The following EPHA5 variants were observed in gnomAD, a reference collection of about 807,000 sequenced individuals.
EPHA5 encodes ephrin type-A receptor 5.
A neutral mutation model predicts 105.0 loss-of-function variants in EPHA5; 60 were observed. The observed-to-expected ratio is 0.57, with a 90% CI of 0.46 to 0.71. EPHA5 has a LOEUF of 0.71. Among genes scored for constraint, EPHA5 ranks in the 30% least tolerant of loss-of-function variants. EPHA5 has a pLI of 0.00. For synonymous variants in EPHA5, 513 were observed against 449.1 expected (o/e 1.14, Z -1.80); for missense variants, 1,218 against 1,274.7 (o/e 0.96, Z 0.68).
intron 2 of EPHA5, among the ~76,000 whole-genome samples, chr4:65,627,892 C>CA (rs1452762633): frequency 6.6e-6 from 1 of 151,776 alleles, no homozygotes; most frequent in Non-Finnish European, 1.5e-5. Context: ...TCAAATCAGT[C>CA]AAAAAAATAA....
At chr4:65,539,918 C>A in intron 3 of EPHA5, among the ~76,000 whole-genome samples, 1 of 151,520 alleles carries the variant, frequency 6.6e-6, no homozygotes, top group South Asian at 2.1e-4. Context: ...ATATTATGCA[C>A]ATATGTTATC....
rs909609322 is a variant in EPHA5 at position 65,364,983 on chromosome 4, T to G, written c.2173+34A>C. ...ATAATCTAGACAGATATTGAGGATA[T>G]GCACACACATGTATAATTTGCCATC... On this transcript the variant is annotated intron_variant, in intron 11 of 16. Transcript: ENST00000613740. The G allele has an allele frequency of 2.6e-6, 4 of 1,568,036 alleles. No homozygotes were observed. In the African/African-American group the frequency reaches 4.1e-5, roughly 16 times the overall value.
In EPHA5 at chr4:65,367,514, T is replaced by C. The variant is rs573142297; in HGVS notation, c.1794-90A>G. The C allele has an allele frequency of 1.1e-3, 1,381 of 1,204,246 alleles. 22 individuals are homozygous for C. In the South Asian group the frequency reaches 0.012, roughly 11 times the overall value. 74.6% of individuals were successfully genotyped at this position (1,204,246 alleles called of 1,614,324 possible). A position where few individuals can be genotyped will look rare whatever the true frequency, so the allele number is the denominator to read the frequency against. On this transcript the variant is annotated intron_variant, in intron 8 of 16. Coordinates refer to ENST00000613740, the MANE Select transcript of EPHA5 (RefSeq NM_001281766.3). ...AAGCATGAAGCACAACTGAAATTAT[T>C]GCAACCCTAAACTGATTTTCATACT...
intron 4 of EPHA5, among the ~76,000 whole-genome samples, chr4:65,491,370 GT>G (rs1731383118): frequency 6.6e-6 from 1 of 151,960 alleles, no homozygotes; most frequent in African/African-American, 2.4e-5. Context: ...TCTGCAAGTT[GT>G]GAATTTTATT....
chr4:65,510,154 C>T (rs1180988516), intron 3 of EPHA5, among the ~76,000 whole-genome samples: 1 of 151,590 alleles, frequency 6.6e-6, no homozygotes, highest in African/African-American at 2.4e-5. Context: ...CCTGCCTCAG[C>T]CTCCCGAGTA....
At chr4:65,384,404 G>A (rs183055646) in intron 8 of EPHA5, among the ~76,000 whole-genome samples, 1 of 151,900 alleles carries the variant, frequency 6.6e-6, no homozygotes, top group Non-Finnish European at 1.5e-5. Flanking sequence ...GTAGCAATCA[G>A]ACCAAATGGT....
chr4:65,495,402 G>T lies in EPHA5; in HGVS notation c.1052C>A (p.Thr351Lys), dbSNP rs1158129685. 1 of 1,613,256 alleles carries T rather than the reference G, an allele frequency of 6.2e-7. No homozygotes were observed. Among genetic ancestry groups the T allele is most frequent in the Non-Finnish European group, 8.5e-7 (1 of 1,179,636 alleles). The stretch of plus-strand genomic sequence containing the variant: ...GGTTTCCTTACTTGTGCATGCCATT[G>T]TGGGTGGATCAGACTCTCTCCTGAA... ...DYFRRESDPP[T>K]MACTRPPSAP... is the part of the protein sequence containing the mutation. The change falls in exon 4 of 17, where the codon ACA becomes AAA. Residue 351 changes from threonine (T) to lysine (K), a missense_variant. By Grantham distance (78) the Thr-to-Lys change is moderately conservative. Transcript: ENST00000613740.
intron 3 of EPHA5, among the ~76,000 whole-genome samples, chr4:65,542,137 A>T (rs1404592647): frequency 6.6e-6 from 1 of 151,946 alleles, no homozygotes; most frequent in Non-Finnish European, 1.5e-5. Context: ...GAAAGTTAGA[A>T]ATATCTCAAA....
At chr4:65,393,005 T>C (rs1311027655) in intron 8 of EPHA5, among the ~76,000 whole-genome samples, 1 of 152,164 alleles carries the variant, frequency 6.6e-6, no homozygotes, top group Non-Finnish European at 1.5e-5. Context: ...ACTGATACAT[T>C]GTTTTGATAT....
At chr4:65,470,812 A>G (rs952390120) in intron 5 of EPHA5, among the ~76,000 whole-genome samples, 2 of 152,150 alleles carry the variant, frequency 1.3e-5, no homozygotes, top group African/African-American at 4.8e-5. Context: ...AGCAAACTAA[A>G]TATGGCCTGA....
At position 65,484,577 on chromosome 4, in the gene EPHA5, C is replaced by A. The variant is rs1730695607; in HGVS notation, c.1402+5800G>T. On this transcript the variant is annotated intron_variant, in intron 5 of 16. Coordinates refer to ENST00000613740, the MANE Select transcript of EPHA5 (RefSeq NM_001281766.3). ...AAAAGGTTCCAAGAGTCTGAGCCTA[C>A]ATTCAAAACAATTAAAATGTGTCTG... 2.6e-5 allele frequency among the ~76,000 whole-genome samples: 4 copies of A among 152,098 alleles called. No homozygotes were observed. The South Asian group carries it at 8.3e-4, about 32-fold the overall frequency.
intron 3 of EPHA5, chr4:65,573,510 G>A: frequency 1.3e-6 from 2 of 1,592,172 alleles, no homozygotes; most frequent in Non-Finnish European, 1.7e-6. Flanking sequence ...GAAACCCGAA[G>A]CCAAGAAGAC....
chr4:65,417,668 G>A (rs1398071035), intron 6 of EPHA5, among the ~76,000 whole-genome samples: 1 of 151,652 alleles, frequency 6.6e-6, no homozygotes, highest in African/African-American at 2.4e-5. Flanking sequence ...GGAATATACA[G>A]CATTAAATTT....
chr4:65,664,625 A>T (rs2149557283), intron 1 of EPHA5, among the ~76,000 whole-genome samples: 1 of 152,008 alleles, frequency 6.6e-6, no homozygotes, highest in African/African-American at 2.4e-5. Flanking sequence ...AGAAACCCTT[A>T]TCTATCCTAT....
In EPHA5 at chr4:65,649,134, G is replaced by A. The variant is rs141994189; in HGVS notation, c.182-5707C>T. ...TATGCATAGTCTTTTTTAGAGAAAA[G>A]AAGAATGAATATGGGGAAATAACTT... On this transcript the variant is annotated intron_variant, in intron 1 of 16. Coordinates refer to ENST00000613740, the MANE Select transcript of EPHA5 (RefSeq NM_001281766.3). 2.9e-3 allele frequency among the ~76,000 whole-genome samples: 446 copies of A among 152,286 alleles called. 3 individuals are homozygous for A. Among genetic ancestry groups the A allele is most frequent in the Non-Finnish European group, 4.6e-3 (313 of 68,010 alleles).
intron 3 of EPHA5, among the ~76,000 whole-genome samples, chr4:65,542,741 T>C (rs1262158456): frequency 2.1e-5 from 3 of 143,350 alleles, no homozygotes; most frequent in African/African-American, 7.8e-5. Context: ...ATCATCTTGA[T>C]ACCAAAACCT....
intron 3 of EPHA5, among the ~76,000 whole-genome samples, chr4:65,550,193 G>T (rs990031830): frequency 4.0e-5 from 6 of 151,544 alleles, no homozygotes; most frequent in Non-Finnish European, 8.8e-5. Flanking sequence ...TAAGGAAAAA[G>T]AAACAATAAA....
chr4:65,347,591 T>C (rs538094702), intron 14 of EPHA5, among the ~76,000 whole-genome samples: 1 of 152,310 alleles, frequency 6.6e-6, no homozygotes, highest in East Asian at 1.9e-4. Flanking sequence ...AATACAACTC[T>C]TCTTACATTT....
rs189852759 is a variant in EPHA5 at position 65,471,766 on chromosome 4, T to G, written c.1402+18611A>C. 3.5e-3 allele frequency among the ~76,000 whole-genome samples: 532 copies of G among 152,292 alleles called. 4 individuals are homozygous for G. The highest frequency in any genetic ancestry group is 0.01 in the South Asian group (49 of 4,820). On this transcript the variant is annotated intron_variant, in intron 5 of 16. Coordinates refer to ENST00000613740, the MANE Select transcript of EPHA5 (RefSeq NM_001281766.3). Reference sequence around the variant, plus strand: ...GAAAGCATGGAGGAAACTGCCCCCATGATCCAATCACCTCCCACCTGCTCT... The same window carrying G: ...GAAAGCATGGAGGAAACTGCCCCCAGGATCCAATCACCTCCCACCTGCTCT...
Sources: allele counts gnomAD v4.1 joint callset (sites outside exome capture counted in the v4.1 genomes callset), GRCh38; gene constraint gnomAD v4.1.1; transcripts MANE v1.5; gene names NCBI Gene and HGNC (gene_info 2026-07-23, HGNC 2026-07-21).